The following SKP2 variants were observed in gnomAD, a reference collection of about 807,000 sequenced individuals.
SKP2 encodes S-phase kinase associated protein 2, also known as S-phase kinase-associated protein 2.
Under a neutral mutation model 51.8 loss-of-function variants are expected in SKP2, and 16 were observed. That is an observed-to-expected ratio of 0.31 (90% CI 0.21 to 0.47). The LOEUF (loss-of-function observed/expected upper bound fraction) is 0.47. Ranked by LOEUF, SKP2 falls within the 20% of genes least tolerant of loss-of-function variation. SKP2 has a pLI of 1.00. For synonymous variants in SKP2, 176 were observed against 198.6 expected, an observed-to-expected ratio of 0.89 and a Z score of 0.96; for missense variants, 377 against 505.3, an observed-to-expected ratio of 0.75 and a Z score of 2.43.
Position 36,166,678 on chromosome 5 carries a change from C to A in SKP2, c.536+16C>A, listed in dbSNP as rs1369747262. The A allele has an allele frequency of 1.2e-6, 2 of 1,610,428 alleles. No homozygotes were observed. Among genetic ancestry groups the A allele is most frequent in the Non-Finnish European group, 1.7e-6 (2 of 1,177,088 alleles). On this transcript the variant is annotated intron_variant, in intron 4 of 9. Coordinates refer to ENST00000274255, the MANE Select transcript of SKP2 (RefSeq NM_005983.4). ...AACATTTCAGGTAAAGATGAAAAAT[C>A]CCTGGAAAAGACTATTTCTAAATTT...
At chr5:36,185,610 A>G (rs1745945214), downstream of SKP2, among the ~76,000 whole-genome samples, 1 of 152,072 alleles carries the variant, frequency 6.6e-6, no homozygotes, top group Admixed American at 6.6e-5. Context: ...CCATTGATCT[A>G]TGTCTCTGTT....
rs1371099272 is a variant in SKP2 at position 36,183,014 on chromosome 5, T to A, written c.*983T>A. The A allele has an allele frequency of 1.1e-6, 1 of 950,564 alleles. No individual in the cohort carries two copies. Among genetic ancestry groups the A allele is most frequent in the Admixed American group, 6.2e-5 (1 of 16,194 alleles). 58.9% of individuals were successfully genotyped at this position (950,564 alleles called of 1,614,324 possible). On this transcript the variant is annotated 3_prime_UTR_variant, in exon 10 of 10. Coordinates refer to ENST00000274255, the MANE Select transcript of SKP2 (RefSeq NM_005983.4). ...AATTGTATTTTTTTTTTAAATGATC[T>A]CTCAGCAATAATTGTTTGAAACTAT... is the stretch of plus-strand genomic sequence containing the variant.
chr5:36,168,256 A>T, intron 4 of SKP2, 57 bp from the exon 5 acceptor site: 2 of 1,568,980 alleles, frequency 1.3e-6, no homozygotes, highest in Non-Finnish European at 1.7e-6. Flanking sequence ...TCTGGTTTGA[A>T]ATTGGATGTA....
Position 36,184,062 on chromosome 5 carries a change from C to G in SKP2, c.*2031C>G, listed in dbSNP as rs368414457. On this transcript the variant is annotated 3_prime_UTR_variant, in exon 10 of 10. Transcript: ENST00000274255. ...TTAAACTAAGTTGTATTCCTTTTTTCTTTCTCTTTTTTTAAGTGCTGTGGT... is the reference window on the plus strand; with the variant it reads ...TTAAACTAAGTTGTATTCCTTTTTTGTTTCTCTTTTTTTAAGTGCTGTGGT... The G allele has an allele frequency of 8.1e-6, 8 of 991,298 alleles. No individual in the cohort carries two copies. The highest frequency in any genetic ancestry group is 3.3e-5 in the African/African-American group (2 of 60,188). 61.4% of individuals were successfully genotyped at this position (991,298 alleles called of 1,614,324 possible).
In SKP2 at chr5:36,183,893, C is replaced by T; in HGVS notation, c.*1862C>T. 6.2e-7 allele frequency: 1 copy of T among 1,610,580 alleles called. No individual in the cohort carries two copies. Among genetic ancestry groups the T allele is most frequent in the Non-Finnish European group, 8.5e-7 (1 of 1,179,170 alleles). On this transcript the variant is annotated 3_prime_UTR_variant, in exon 10 of 10. Transcript: ENST00000274255. ...CGGTTGGACTCTGACATCGGATGCC[C>T]TCAAACATACAGAACTTCCAAACTC...
chr5:36,165,896 C>T (rs970591718), intron 3 of SKP2, among the ~76,000 whole-genome samples: 25 of 152,104 alleles, frequency 1.6e-4, no homozygotes, highest in East Asian at 1.2e-3. Flanking sequence ...ATCTATAATC[C>T]GTTGTATTTT....
chr5:36,186,874 C>G (rs1264028165), downstream of SKP2, among the ~76,000 whole-genome samples: 1 of 151,882 alleles, frequency 6.6e-6, no homozygotes, highest in South Asian at 2.1e-4. Flanking sequence ...ATCTGGTCCT[C>G]GACTTTTTTT....
intron 3 of SKP2, among the ~76,000 whole-genome samples, chr5:36,165,136 C>T (rs1745246134): frequency 6.6e-6 from 1 of 152,110 alleles, no homozygotes. Context: ...GTGACAGGTG[C>T]AGTGTTTGCA....
At chr5:36,192,214 TTTAA>T (rs1746042890) in intron 6 of SKP2, among the ~76,000 whole-genome samples, 2 of 152,182 alleles carry the variant, frequency 1.3e-5, no homozygotes, top group South Asian at 4.1e-4. Context: ...CTTGAGTACT[TTTAA>T]TGTTAAAGTC....
At chr5:36,178,578 C>G (rs1470423608) in intron 9 of SKP2, among the ~76,000 whole-genome samples, 1 of 151,992 alleles carries the variant, frequency 6.6e-6, no homozygotes, top group Non-Finnish European at 1.5e-5. Flanking sequence ...ATTAAAATCC[C>G]TGCCCTCTCT....
downstream of SKP2, among the ~76,000 whole-genome samples, chr5:36,188,807 T>C (rs911765995): frequency 6.6e-6 from 1 of 152,228 alleles, no homozygotes; most frequent in African/African-American, 2.4e-5. Flanking sequence ...TTCTCCTGGA[T>C]AATATCCTGC....
chr5:36,163,595 T>G (rs953233938), intron 2 of SKP2, 50 bp from the exon 3 acceptor site: 5 of 1,141,854 alleles, frequency 4.4e-6, no homozygotes, highest in Non-Finnish European at 6.7e-6. Flanking sequence ...CTCAGTAGAC[T>G]TGATAGGGTG....
At chr5:36,181,682 C>G in intron 9 of SKP2, 136 bp from the exon 10 acceptor site, 1 of 872,302 alleles carries the variant, frequency 1.1e-6, no homozygotes, top group East Asian at 2.4e-5. Flanking sequence ...GCTATTTTCT[C>G]AAATCATTTA....
At chr5:36,190,223 TGTCCTGCACCCAC>T (rs1745994893) in intron 6 of SKP2, among the ~76,000 whole-genome samples, 2 of 3,356 alleles carry the variant, frequency 6.0e-4, no homozygotes, top group Non-Finnish European at 0.01. Flanking sequence ...CTGCACCCAC[TGTCCTGCACCCAC>T]TGTCCGACAC....
chr5:36,161,217 T>C (rs1035270710), intron 2 of SKP2, among the ~76,000 whole-genome samples: 3 of 150,826 alleles, frequency 2.0e-5, no homozygotes, highest in Non-Finnish European at 2.9e-5. Flanking sequence ...CCTCAGTGTA[T>C]AGTACATATT....
chr5:36,182,253 G>C lies in SKP2; in HGVS notation c.*222G>C. ...TTGCTCTTAAGAGCCAAAGTTGTAGGCCTTTTGAAATTTTAGGAGAGTGAG... is the reference window on the plus strand; with the variant it reads ...TTGCTCTTAAGAGCCAAAGTTGTAGCCCTTTTGAAATTTTAGGAGAGTGAG... On this transcript the variant is annotated 3_prime_UTR_variant, in exon 10 of 10. Coordinates refer to ENST00000274255, the MANE Select transcript of SKP2 (RefSeq NM_005983.4). The C allele has an allele frequency of 7.6e-7, 1 of 1,307,740 alleles. No individual in the cohort carries two copies. The highest frequency in any genetic ancestry group is 9.7e-7 in the Non-Finnish European group (1 of 1,029,216). 81.0% of individuals were successfully genotyped at this position (1,307,740 alleles called of 1,614,324 possible). A position where few individuals can be genotyped will look rare whatever the true frequency, so the allele number is the denominator to read the frequency against.
At position 36,183,330 on chromosome 5, in the gene SKP2, G is replaced by C. The variant is rs369884935; in HGVS notation, c.*1299G>C. On this transcript the variant is annotated 3_prime_UTR_variant, in exon 10 of 10. Transcript: ENST00000274255. Reference sequence around the variant, plus strand: ...CACCAAGGCCGGAGTGCAGTGGTGCGATCTCGGCTCACTGCAAGCTCCGCC... The same window carrying C: ...CACCAAGGCCGGAGTGCAGTGGTGCCATCTCGGCTCACTGCAAGCTCCGCC... 4 of 376,918 alleles carry C rather than the reference G, an allele frequency of 1.1e-5. No individual in the cohort carries two copies. The highest frequency in any genetic ancestry group is 1.5e-5 in the Non-Finnish European group (4 of 275,742). 23.3% of individuals were successfully genotyped at this position (376,918 alleles called of 1,614,324 possible).
At chr5:36,177,833 T>C (rs1745683931) in intron 9 of SKP2, among the ~76,000 whole-genome samples, 1 of 152,116 alleles carries the variant, frequency 6.6e-6, no homozygotes, top group African/African-American at 2.4e-5. Context: ...GTCTAAAAAG[T>C]GAAGTGAAGT....
chr5:36,189,229 A>G (rs1482322424), downstream of SKP2, among the ~76,000 whole-genome samples: 2 of 152,172 alleles, frequency 1.3e-5, no homozygotes, highest in Admixed American at 1.3e-4. Flanking sequence ...TCAACTCGTC[A>G]AAGTCTTTCT....
Sources: gnomAD v4.1 joint callset for allele counts (sites outside exome capture counted in the v4.1 genomes callset) on GRCh38, gnomAD v4.1.1 for gene constraint, MANE v1.5 for transcripts, NCBI Gene and HGNC (gene_info 2026-07-23, HGNC 2026-07-21) for gene names.